Variants in EOGT observed in about 807,000 individuals in gnomAD.
EOGT encodes EGF domain-specific O-linked N-acetylglucosamine transferase.
EOGT carries 55 observed loss-of-function variants against 70.5 expected under a neutral mutation model. The observed-to-expected ratio is 0.78, with a 90% CI of 0.63 to 0.98. The LOEUF is 0.98. EOGT is among the 50% of genes least tolerant of loss of function. The pLI, the probability that EOGT is intolerant of heterozygous loss-of-function variation, is 0.00. For missense variants in EOGT, 703 were observed against 641.9 expected, an observed-to-expected ratio of 1.10 and a Z score of -1.03; for synonymous variants, 246 against 217.1, an observed-to-expected ratio of 1.13 and a Z score of -1.17.
intron 10 of EOGT, among the ~76,000 whole-genome samples, chr3:68,992,990 T>C (rs2091039977): frequency 6.6e-6 from 1 of 152,208 alleles, no homozygotes; most frequent in Non-Finnish European, 1.5e-5. Context: ...GCATACAGCA[T>C]GGGGACCCTG....
chr3:68,985,170 G>A (rs930964899), intron 14 of EOGT, among the ~76,000 whole-genome samples: 2 of 152,280 alleles, frequency 1.3e-5, no homozygotes, highest in East Asian at 1.9e-4. Flanking sequence ...AATATATACT[G>A]TTGATCTGTT....
Position 68,978,681 on chromosome 3 carries a change from CT to C in EOGT, c.1335-247del, listed in dbSNP as rs372468316. Among the ~76,000 whole-genome samples, 21,626 of 152,060 alleles carry C rather than the reference CT, an allele frequency of 0.14. 1,751 individuals are homozygous for C. Among genetic ancestry groups the C allele is most frequent in the East Asian group, 0.4 (2,045 of 5,134 alleles). On this transcript the variant is annotated intron_variant, in intron 16 of 17. Transcript: ENST00000383701. Reference sequence around the variant, plus strand: ...GAGAATTGACCTTATTCAATAGGGCCTGCTGCCTATGGACTTGGCATGACCT... The same window carrying C: ...GAGAATTGACCTTATTCAATAGGGCCGCTGCCTATGGACTTGGCATGACCT...
At position 69,003,280 on chromosome 3, in the gene EOGT, G is replaced by C. The variant is rs186865975; in HGVS notation, c.620+1098C>G. ...AGATATTATCATTAGAGGAAGCTCA[G>C]GGAATTAGACAACGTACAAGTTCTC... On this transcript the variant is annotated intron_variant, in intron 8 of 17. Coordinates refer to ENST00000383701, the MANE Select transcript of EOGT (RefSeq NM_001278689.2). Among the ~76,000 whole-genome samples the C allele has an allele frequency of 9.8e-5, 15 of 152,298 alleles. No individual in the cohort carries two copies. In the East Asian group the frequency reaches 2.9e-3, roughly 29 times the overall value.
chr3:68,990,288 C>G (rs2090953398), intron 10 of EOGT, among the ~76,000 whole-genome samples: 1 of 151,598 alleles, frequency 6.6e-6, no homozygotes, highest in South Asian at 2.1e-4. Flanking sequence ...TGTGCTGCCA[C>G]TTCCATCTGA....
At chr3:68,981,852 GATA>G in intron 15 of EOGT, among the ~76,000 whole-genome samples, 2 of 151,780 alleles carry the variant, frequency 1.3e-5, no homozygotes, top group Admixed American at 1.3e-4. Flanking sequence ...TCAAACATTT[GATA>G]ATGTTATCAA....
At chr3:68,995,552 T>C (rs1201240280) in intron 10 of EOGT, among the ~76,000 whole-genome samples, 1 of 152,058 alleles carries the variant, frequency 6.6e-6, no homozygotes, top group Non-Finnish European at 1.5e-5. Flanking sequence ...TGGCCGTGCA[T>C]CCTACTCCAG....
At chr3:68,983,766 C>T (rs566078797) in intron 14 of EOGT, among the ~76,000 whole-genome samples, 4 of 152,192 alleles carry the variant, frequency 2.6e-5, no homozygotes, top group Non-Finnish European at 5.9e-5. Context: ...GAGTTCGAGA[C>T]CAACCTGACC....
In EOGT at chr3:68,977,659, G is replaced by C; in HGVS notation, c.1543C>G (p.His515Asp). The part of the protein sequence containing the change: ...VLQAADHVLQ[H>D]PKWPFKKKHD... ...TTCTTCTTAAATGGCCACTTTGGGT[G>C]TTGCAATACGTGGTCTGCAGCCTGA... The change falls in exon 18 of 18, where the codon CAC becomes GAC. Residue 515 changes from histidine to aspartate, a missense_variant. Coordinates refer to ENST00000383701, the MANE Select transcript of EOGT (RefSeq NM_001278689.2). 6.2e-7 allele frequency: 1 copy of C among 1,613,816 alleles called. No homozygotes were observed.
chr3:68,976,698 CACAA>C lies in EOGT; in HGVS notation c.*916_*919del, dbSNP rs1173510642. ...TGTTTTGCATGTTTTCCTTTCCTAC[CACAA>C]ACAGTGTTATAACCAGATTATGGCA... On this transcript the variant is annotated 3_prime_UTR_variant, in exon 18 of 18. Transcript: ENST00000383701. The C allele has an allele frequency of 7.0e-6, 1 of 143,104 alleles. No homozygotes were observed. The highest frequency in any genetic ancestry group is 2.1e-4 in the East Asian group (1 of 4,754). The allele number at this position is 143,104 out of a possible 1,614,324, so 8.9% of individuals were successfully genotyped here.
intron 14 of EOGT, among the ~76,000 whole-genome samples, chr3:68,983,792 C>T (rs760860048): frequency 1.3e-5 from 2 of 152,068 alleles, no homozygotes; most frequent in African/African-American, 2.4e-5. Flanking sequence ...GGTGAAACCC[C>T]GTCTCTACTA....
At chr3:69,001,547 CA>C (rs1559608452) in intron 9 of EOGT, 60 bp downstream of exon 9, 28 of 1,136,242 alleles carry the variant, frequency 2.5e-5, no homozygotes, top group Admixed American at 7.2e-5. Context: ...TTACTACATC[CA>C]AAAAAAGGAA....
chr3:68,990,893 T>C (rs1157307551), intron 10 of EOGT, among the ~76,000 whole-genome samples: 1 of 115,596 alleles, frequency 8.7e-6, no homozygotes, highest in Admixed American at 1.0e-4. Context: ...TTGAGATCTG[T>C]TAGATGTGAA....
intron 9 of EOGT, among the ~76,000 whole-genome samples, chr3:69,000,900 T>A (rs1489922731): frequency 6.6e-6 from 1 of 152,168 alleles, no homozygotes; most frequent in Non-Finnish European, 1.5e-5. Flanking sequence ...TACAGAAAGT[T>A]TGTCAGCGCA....
intron 10 of EOGT, among the ~76,000 whole-genome samples, chr3:68,991,556 T>C (rs1427158792): frequency 6.6e-6 from 1 of 152,076 alleles, no homozygotes; most frequent in African/African-American, 2.4e-5. Flanking sequence ...CCACATAACA[T>C]CTAAAGCAAG....
chr3:68,997,971 G>C (rs1213267281), intron 10 of EOGT, 40 bp downstream of exon 10: 2 of 1,170,602 alleles, frequency 1.7e-6, no homozygotes, highest in Non-Finnish European at 2.5e-6. Flanking sequence ...CTGATACAAG[G>C]GAAAGACAGT....
intron 8 of EOGT, among the ~76,000 whole-genome samples, chr3:69,003,700 C>A (rs2091359916): frequency 6.6e-6 from 1 of 152,102 alleles, no homozygotes; most frequent in Non-Finnish European, 1.5e-5. Flanking sequence ...ATGATGTTAA[C>A]AGTCAGAGTA....
chr3:69,008,311 T>G lies in EOGT; in HGVS notation c.311+117A>C. On this transcript the variant is annotated intron_variant, in intron 5 of 17. Coordinates refer to ENST00000383701, the MANE Select transcript of EOGT (RefSeq NM_001278689.2). ...TGAATTCATGACTGTGCAAGCAAAT[T>G]AATATCTAAATGAATTACTATCTAA... 4 of 731,696 alleles carry G rather than the reference T, an allele frequency of 5.5e-6. No homozygotes were observed. In the South Asian group the frequency reaches 6.9e-5, roughly 13 times the overall value. 45.3% of individuals were successfully genotyped at this position (731,696 alleles called of 1,614,324 possible). A position where few individuals can be genotyped will look rare whatever the true frequency, so the allele number is the denominator to read the frequency against.
intron 6 of EOGT, among the ~76,000 whole-genome samples, chr3:69,005,650 G>A (rs2091421207): frequency 6.6e-6 from 1 of 152,204 alleles, no homozygotes; most frequent in African/African-American, 2.4e-5. Context: ...ATTAAAAGCA[G>A]GGAGGGAAGT....
intron 17 of EOGT, 38 bp downstream of exon 17, chr3:68,978,294 TA>T: frequency 1.4e-6 from 2 of 1,474,248 alleles, no homozygotes; most frequent in Non-Finnish European, 1.9e-6. Context: ...TTAAACCAAT[TA>T]AAAATGAAGC....
Sources: allele counts gnomAD v4.1 joint callset (sites outside exome capture counted in the v4.1 genomes callset), GRCh38; gene constraint gnomAD v4.1.1; transcripts MANE v1.5; gene names NCBI Gene and HGNC (gene_info 2026-07-23, HGNC 2026-07-21).